The following METAP2 variants were observed in gnomAD, a reference collection of about 807,000 sequenced individuals.
METAP2 encodes the protein methionine aminopeptidase 2.
Under a neutral mutation model 59.4 loss-of-function variants are expected in METAP2, and 25 were observed. The observed-to-expected ratio is 0.42, with a 90% CI of 0.31 to 0.59. METAP2 has a LOEUF of 0.59. Ranked by LOEUF, METAP2 falls within the 20% of genes least tolerant of loss-of-function variation. METAP2 has a pLI of 0.16. For missense variants in METAP2, 366 were observed against 581.2 expected (o/e 0.63, Z 3.81); for synonymous variants, 214 against 194.1 (o/e 1.10, Z -0.85).
chr12:95,514,734 A>G lies in METAP2; in HGVS notation c.*830A>G, dbSNP rs1444322031. On this transcript the variant is annotated 3_prime_UTR_variant, in exon 11 of 11. Coordinates refer to ENST00000323666, the MANE Select transcript of METAP2 (RefSeq NM_006838.4). ...GGGAATGTATTCAGCTTGCTCAGAA[A>G]ACCAAAAGGGTATTAAAGCCACAAA... is the stretch of plus-strand genomic sequence containing the variant. The G allele has an allele frequency of 6.6e-6, 1 of 152,198 alleles. No homozygotes were observed. Among genetic ancestry groups the G allele is most frequent in the Non-Finnish European group, 1.5e-5 (1 of 68,040 alleles). The allele number at this position is 152,198 out of a possible 1,614,324, so 9.4% of individuals were successfully genotyped here. A position where few individuals can be genotyped will look rare whatever the true frequency, so the allele number is the denominator to read the frequency against.
chr12:95,483,886 G>A (rs960259230), intron 3 of METAP2, among the ~76,000 whole-genome samples: 4 of 152,088 alleles, frequency 2.6e-5, no homozygotes, highest in East Asian at 1.9e-4. Context: ...GAGGAATCCC[G>A]TTATTTAAGA....
intron 4 of METAP2, among the ~76,000 whole-genome samples, chr12:95,490,872 C>G (rs1273450106): frequency 6.6e-6 from 1 of 151,990 alleles, no homozygotes; most frequent in Non-Finnish European, 1.5e-5. Context: ...GGGGGTTAAA[C>G]TTTTTTCTCT....
chr12:95,496,821 C>CTTTTT (rs777002045), intron 7 of METAP2, among the ~76,000 whole-genome samples: 365 of 100,886 alleles, frequency 3.6e-3, no homozygotes, highest in Non-Finnish European at 4.3e-3. Flanking sequence ...CTTTTTCTTT[C>CTTTTT]TTTTTTTTTT....
chr12:95,487,607 G>C (rs899969603), intron 4 of METAP2, among the ~76,000 whole-genome samples: 1 of 67,156 alleles, frequency 1.5e-5, no homozygotes, highest in African/African-American at 5.9e-5. Context: ...TTTTTTTTTT[G>C]CTTGTTCCCT....
chr12:95,500,336 A>G (rs902006781), intron 7 of METAP2, among the ~76,000 whole-genome samples: 2 of 152,208 alleles, frequency 1.3e-5, no homozygotes, highest in African/African-American at 2.4e-5. Context: ...AGGTAAGATC[A>G]TATAATCTGT....
intron 7 of METAP2, among the ~76,000 whole-genome samples, chr12:95,501,829 T>A (rs1446589615): frequency 6.6e-6 from 1 of 151,840 alleles, no homozygotes; most frequent in East Asian, 1.9e-4. Context: ...CTTTTTTTTT[T>A]TACTTTATTG....
At chr12:95,510,034 A>C (rs2140166387) in intron 8 of METAP2, among the ~76,000 whole-genome samples, 1 of 152,096 alleles carries the variant, frequency 6.6e-6, no homozygotes, top group Middle Eastern at 3.4e-3. Context: ...ATGGGGTTTC[A>C]CTGTGTTGGC....
intron 7 of METAP2, among the ~76,000 whole-genome samples, chr12:95,500,701 A>T (rs2076308977): frequency 1.3e-5 from 2 of 152,056 alleles, no homozygotes; most frequent in African/African-American, 4.8e-5. Context: ...TGTTTTTCTT[A>T]TGTTGAACCA....
intron 2 of METAP2, among the ~76,000 whole-genome samples, chr12:95,480,018 A>G (rs2076147468): frequency 6.6e-6 from 1 of 152,118 alleles, no homozygotes; most frequent in Admixed American, 6.5e-5. Context: ...TAACATTTCC[A>G]TCTCCAGAAA....
chr12:95,504,096 T>A lies in METAP2; in HGVS notation c.899T>A (p.Val300Asp). The A allele has an allele frequency of 1.2e-6, 2 of 1,613,940 alleles. No homozygotes were observed. The highest frequency in any genetic ancestry group is 1.7e-6 in the Non-Finnish European group (2 of 1,179,860). The change falls in exon 8 of 11, where the codon GTT becomes GAT. Residue 300 changes from valine (V) to aspartate (D), a missense_variant. Coordinates refer to ENST00000323666, the MANE Select transcript of METAP2 (RefSeq NM_006838.4). Reference protein sequence around the residue: ...CAGIDVRLCDVGEAIQEVMES... With the variant: ...CAGIDVRLCDDGEAIQEVMES... ...GGAATTGATGTTCGTCTGTGTGATGTTGGTGAGGCCATCCAAGAAGTTATG... is the reference window on the plus strand; with the variant it reads ...GGAATTGATGTTCGTCTGTGTGATGATGGTGAGGCCATCCAAGAAGTTATG...
intron 3 of METAP2, among the ~76,000 whole-genome samples, chr12:95,484,249 C>T (rs1488816225): frequency 2.0e-5 from 3 of 151,812 alleles, no homozygotes; most frequent in Non-Finnish European, 4.4e-5. Context: ...GTGGAATAGC[C>T]TTCTTTGCAT....
chr12:95,487,316 A>ATT (rs5800208), intron 4 of METAP2, among the ~76,000 whole-genome samples: 5 of 148,598 alleles, frequency 3.4e-5, no homozygotes, highest in Admixed American at 2.0e-4. Flanking sequence ...TAAAGACACC[A>ATT]TTTTTTTTTT....
chr12:95,499,929 C>T (rs1259464893), intron 7 of METAP2, among the ~76,000 whole-genome samples: 1 of 152,116 alleles, frequency 6.6e-6, no homozygotes, highest in East Asian at 1.9e-4. Flanking sequence ...ATGAGAACTT[C>T]CTATCATGAG....
intron 4 of METAP2, among the ~76,000 whole-genome samples, chr12:95,492,919 A>G (rs1275321032): frequency 6.6e-6 from 1 of 152,312 alleles, no homozygotes; most frequent in South Asian, 2.1e-4. Context: ...GTAGCATGAA[A>G]ATAGCTATAG....
intron 8 of METAP2, among the ~76,000 whole-genome samples, chr12:95,510,383 A>C (rs142616838): frequency 5.2e-4 from 79 of 152,316 alleles, no homozygotes; most frequent in African/African-American, 1.7e-3. Flanking sequence ...GGGAAGATTG[A>C]GGGACTGGCA....
At chr12:95,488,971 T>G (rs2076218255) in intron 4 of METAP2, among the ~76,000 whole-genome samples, 1 of 152,226 alleles carries the variant, frequency 6.6e-6, no homozygotes, top group Non-Finnish European at 1.5e-5. Context: ...ATTGACAGTT[T>G]ATCACCTTGT....
intron 2 of METAP2, chr12:95,481,978 A>G: frequency 3.5e-6 from 1 of 282,058 alleles, no homozygotes; most frequent in South Asian, 2.8e-5. Flanking sequence ...CAAACATTTA[A>G]TGGGGTGAAG....
At chr12:95,505,114 C>T (rs1372784472) in intron 8 of METAP2, among the ~76,000 whole-genome samples, 1 of 152,166 alleles carries the variant, frequency 6.6e-6, no homozygotes, top group Non-Finnish European at 1.5e-5. Flanking sequence ...TTCTGTCTCT[C>T]TTTGTAGACT....
At chr12:95,493,762 C>T (rs757981019) in intron 4 of METAP2, among the ~76,000 whole-genome samples, 4 of 152,222 alleles carry the variant, frequency 2.6e-5, no homozygotes, top group Non-Finnish European at 5.9e-5. Context: ...TAGGACTCTT[C>T]AGACTTTTCT....
Sources: allele counts gnomAD v4.1 joint callset (sites outside exome capture counted in the v4.1 genomes callset), GRCh38; gene constraint gnomAD v4.1.1; transcripts MANE v1.5; gene names NCBI Gene and HGNC (gene_info 2026-07-23, HGNC 2026-07-21).